The following NCOA1 variants were observed in gnomAD, a reference collection of about 807,000 sequenced individuals.
NCOA1 encodes Hin-2 protein.
Under a neutral mutation model 150.9 loss-of-function variants are expected in NCOA1, and 35 were observed. The ratio of observed to expected loss-of-function variants is 0.23; its 90% CI spans 0.18 to 0.31. NCOA1 has a LOEUF of 0.31. NCOA1 is among the 10% of genes least tolerant of loss of function. The pLI is 1.00. For synonymous variants in NCOA1, 590 were observed against 630.0 expected (o/e 0.94, Z 0.95); for missense variants, 1,491 against 1,749.3 (o/e 0.85, Z 2.63).
chr2:24,623,991 C>T (rs1003848212), intron 3 of NCOA1, among the ~76,000 whole-genome samples: 10 of 152,074 alleles, frequency 6.6e-5, no homozygotes, highest in Non-Finnish European at 1.2e-4. Context: ...TCATGGAGTC[C>T]ACAACATCAA....
chr2:24,574,358 A>G (rs1443234373), intron 2 of NCOA1, among the ~76,000 whole-genome samples: 2 of 152,122 alleles, frequency 1.3e-5, no homozygotes, highest in South Asian at 4.1e-4. Flanking sequence ...TATAATTCCT[A>G]TGGTGAGAAC....
intron 3 of NCOA1, among the ~76,000 whole-genome samples, chr2:24,599,948 C>T (rs1173647068): frequency 6.6e-6 from 1 of 152,046 alleles, no homozygotes; most frequent in Non-Finnish European, 1.5e-5. Flanking sequence ...CCAGGTTGGT[C>T]TCGAACTCCT....
Position 24,742,178 on chromosome 2 carries a change from C to T in NCOA1, c.3698C>T (p.Pro1233Leu), listed in dbSNP as rs1357021921. The T allele has an allele frequency of 7.5e-6, 12 of 1,610,164 alleles. No homozygotes were observed. In the East Asian group the frequency reaches 2.5e-4, roughly 33 times the overall value. Residue 1233 changes from proline (P) to leucine (L), a missense_variant, in exon 19 of 23, where the codon CCA (proline) becomes CTA (leucine). Physicochemically the swap from Pro to Leu is moderately conservative, Grantham distance 98. Around this residue, in one of 8 missense-constraint regions of NCOA1, gnomAD observed 485 missense variants for 522.8 expected, o/e 0.93. Transcript: ENST00000348332. ...PQMQQNVFQY[P>L]GAGMVPQGEA... is the part of the protein sequence containing the mutation. The stretch of plus-strand genomic sequence containing the variant: ...ATGCAGCAGAATGTCTTCCAGTATC[C>T]AGGAGCAGGTAGGAAGGTCACAACT...
intron 1 of NCOA1, among the ~76,000 whole-genome samples, chr2:24,559,006 G>A (rs1666191213): frequency 6.6e-6 from 1 of 152,112 alleles, no homozygotes. Flanking sequence ...CAGGTTATGT[G>A]ACATTCAACG....
intron 1 of NCOA1, among the ~76,000 whole-genome samples, chr2:24,562,706 C>G (rs1666336760): frequency 6.6e-6 from 1 of 152,144 alleles, no homozygotes; most frequent in African/African-American, 2.4e-5. Context: ...TTTTCTCTAG[C>G]AGGTGATTGG....
intron 3 of NCOA1, among the ~76,000 whole-genome samples, chr2:24,598,822 G>C (rs754426361): frequency 4.0e-5 from 6 of 151,806 alleles, no homozygotes; most frequent in Non-Finnish European, 7.4e-5. Flanking sequence ...TGTTACATGG[G>C]TATATTGCAT....
At chr2:24,718,757 T>C (rs1043459542) in intron 14 of NCOA1, among the ~76,000 whole-genome samples, 7 of 148,060 alleles carry the variant, frequency 4.7e-5, no homozygotes, top group African/African-American at 1.7e-4. Flanking sequence ...GCCGGGCGGC[T>C]ACTCAGGAGG....
intron 5 of NCOA1, among the ~76,000 whole-genome samples, chr2:24,663,943 A>G (rs1344219657): frequency 6.6e-6 from 1 of 152,178 alleles, no homozygotes; most frequent in Non-Finnish European, 1.5e-5. Context: ...TGAGAGTTCC[A>G]CGAAGAGAGT....
chr2:24,662,035 G>A (rs903853792), intron 5 of NCOA1, among the ~76,000 whole-genome samples: 6 of 152,108 alleles, frequency 3.9e-5, no homozygotes, highest in African/African-American at 1.4e-4. Context: ...TGAAATATGG[G>A]CTTCAGCTTT....
intron 1 of NCOA1, among the ~76,000 whole-genome samples, chr2:24,523,011 A>T (rs1450673692): frequency 6.6e-6 from 1 of 152,202 alleles, no homozygotes; most frequent in African/African-American, 2.4e-5. Flanking sequence ...ATCAGGCATT[A>T]TTCTAAATAT....
intron 3 of NCOA1, among the ~76,000 whole-genome samples, chr2:24,613,677 T>C (rs1192858167): frequency 6.6e-6 from 1 of 151,900 alleles, no homozygotes; most frequent in Non-Finnish European, 1.5e-5. Flanking sequence ...AAGGATGGGG[T>C]GTCTCAGGCT....
chr2:24,712,537 A>T (rs1053127898), intron 14 of NCOA1, among the ~76,000 whole-genome samples: 5 of 152,206 alleles, frequency 3.3e-5, no homozygotes, highest in Non-Finnish European at 5.9e-5. Flanking sequence ...TCCATGTTTA[A>T]GAACACTGAC....
At chr2:24,629,318 G>A (rs146516539) in intron 3 of NCOA1, among the ~76,000 whole-genome samples, 150 of 152,038 alleles carry the variant, frequency 9.9e-4, no homozygotes, top group African/African-American at 3.4e-3. Context: ...ATAATGGTGC[G>A]TGTAAGAGTC....
At chr2:24,723,334 C>T (rs748090462) in intron 14 of NCOA1, among the ~76,000 whole-genome samples, 7 of 152,062 alleles carry the variant, frequency 4.6e-5, no homozygotes, top group Non-Finnish European at 8.8e-5. Flanking sequence ...TACAGTTGTA[C>T]CAGAATTTAC....
chr2:24,503,101 T>C lies in NCOA1; in HGVS notation c.-396+11499T>C, dbSNP rs150290798. On this transcript the variant is annotated intron_variant, in intron 1 of 22. Transcript: ENST00000348332. ...ATTAAAGCATAATGCTACTTATGAA[T>C]GTACTTAGAGAAATAGACCTTTTGT... is the stretch of plus-strand genomic sequence containing the variant. Among the ~76,000 whole-genome samples the C allele has an allele frequency of 7.0e-3, 1,065 of 152,336 alleles. 12 individuals are homozygous for C. Among genetic ancestry groups the C allele is most frequent in the African/African-American group, 0.024 (1,004 of 41,574 alleles).
At chr2:24,545,042 T>A (rs1262264973) in intron 1 of NCOA1, among the ~76,000 whole-genome samples, 3 of 152,192 alleles carry the variant, frequency 2.0e-5, no homozygotes, top group African/African-American at 7.2e-5. Context: ...CAGATATGTA[T>A]GTATACATAG....
chr2:24,722,356 C>G lies in NCOA1; in HGVS notation c.2600-4233C>G, dbSNP rs137913151. On this transcript the variant is annotated intron_variant, in intron 14 of 22. Coordinates refer to ENST00000348332, the MANE Select transcript of NCOA1 (RefSeq NM_003743.5). ...TGTTGATCAGAATGTGTACAGCATG[C>G]CTGTTTGTCAGTACCTTCAAAACCT... Among the ~76,000 whole-genome samples the G allele has an allele frequency of 8.8e-3, 1,333 of 152,284 alleles. 30 individuals are homozygous for G. Among genetic ancestry groups the G allele is most frequent in the Admixed American group, 0.041 (630 of 15,302 alleles).
chr2:24,598,453 G>A (rs943343479), intron 3 of NCOA1, among the ~76,000 whole-genome samples: 3 of 152,094 alleles, frequency 2.0e-5, no homozygotes, highest in Admixed American at 6.5e-5. Flanking sequence ...ATATAAATTA[G>A]GAAATTTTAA....
At chr2:24,645,490 A>G (rs1670427319) in intron 4 of NCOA1, among the ~76,000 whole-genome samples, 1 of 148,918 alleles carries the variant, frequency 6.7e-6, no homozygotes, top group African/African-American at 2.5e-5. Flanking sequence ...AACCTGGGTG[A>G]CAGAGCGAGA....
Sources: gnomAD v4.1 joint callset for allele counts (sites outside exome capture counted in the v4.1 genomes callset) on GRCh38, gnomAD v4.1.1 for gene constraint, gnomAD v4.1.1 regional missense constraint, MANE v1.5 for transcripts, NCBI Gene and HGNC (gene_info 2026-07-23, HGNC 2026-07-21) for gene names.